The following SHANK2 variants were observed in gnomAD, a reference collection of about 807,000 sequenced individuals.
SHANK2 encodes SH3 and multiple ankyrin repeat domains 2.
Under a neutral mutation model 133.7 loss-of-function variants are expected in SHANK2, and 43 were observed. That is an observed-to-expected ratio of 0.32 (90% CI 0.25 to 0.41). SHANK2 has a LOEUF of 0.41. SHANK2 is among the 10% of genes least tolerant of loss of function. SHANK2 has a pLI of 1.00. For synonymous variants in SHANK2, 1,017 were observed against 952.8 expected, an observed-to-expected ratio of 1.07 and a Z score of -1.24; for missense variants, 1,994 against 2,235.8, an observed-to-expected ratio of 0.89 and a Z score of 2.18.
intron 11 of SHANK2, among the ~76,000 whole-genome samples, chr11:70,842,292 C>G (rs887821288): frequency 1.3e-5 from 2 of 152,182 alleles, no homozygotes; most frequent in Admixed American, 6.5e-5. Flanking sequence ...TGGAAAGAGA[C>G]AGACACTCCA....
chr11:71,107,100 G>A lies in SHANK2; in HGVS notation c.592+2841C>T, dbSNP rs369569973. ...ACTACAATCTAGCCTGGGTAACAGG[G>A]GGAGACCCTGTCTCAAAAAAAAAGA... On this transcript the variant is annotated intron_variant, in intron 6 of 25. Coordinates refer to ENST00000601538, the MANE Select transcript of SHANK2 (RefSeq NM_012309.5). Among the ~76,000 whole-genome samples, 4 of 152,248 alleles carry A rather than the reference G, an allele frequency of 2.6e-5. No individual in the cohort carries two copies. The East Asian group carries it at 7.7e-4, about 29-fold the overall frequency.
At chr11:70,647,826 C>T (rs542709849) in intron 17 of SHANK2, among the ~76,000 whole-genome samples, 3 of 152,306 alleles carry the variant, frequency 2.0e-5, no homozygotes, top group South Asian at 4.1e-4. Flanking sequence ...ACTGAACACC[C>T]GCCCATCCCA....
chr11:70,486,124 C>A lies in SHANK2; in HGVS notation c.4169G>T (p.Arg1390Leu). 6.2e-7 allele frequency: 1 copy of A among 1,613,072 alleles called. No individual in the cohort carries two copies. The highest frequency in any genetic ancestry group is 8.5e-7 in the Non-Finnish European group (1 of 1,179,162). Residue 1390 changes from arginine (R) to leucine (L), a missense_variant, in exon 25 of 26, where the codon CGC (arginine) becomes CTC (leucine). This residue lies in a region of SHANK2 where 797 missense variants were observed against 907.4 expected (regional missense o/e 0.88). Transcript: ENST00000601538. The surrounding 1 kb of genome is among the most constrained non-coding windows in gnomAD (Gnocchi z 8.0). ...SMEEAVILPF[R>L]IPPPPLASVD... ...GGATGCCAGAGGGGGAGGAGGGATG[C>A]GGAATGGCAAAATCACCGCCTCTTC...
rs782364074 is a variant in SHANK2 at position 70,500,529 on chromosome 11, T to A, written c.2308+41A>T. ...AGGATGTTTCTGTTCCACAGGGGGGTGATGGGCAGGGGGCTGAGACAGACA... is the reference window on the plus strand; with the variant it reads ...AGGATGTTTCTGTTCCACAGGGGGGAGATGGGCAGGGGGCTGAGACAGACA... On this transcript the variant is annotated intron_variant, in intron 21 of 25. Transcript: ENST00000601538. The surrounding 1 kb of genome is among the most constrained non-coding windows in gnomAD (Gnocchi z 4.5). 6.3e-7 allele frequency: 1 copy of A among 1,588,544 alleles called. No individual in the cohort carries two copies. The highest frequency in any genetic ancestry group is 1.2e-5 in the South Asian group (1 of 86,924).
At chr11:70,884,418 T>A (rs1285213696) in intron 11 of SHANK2, among the ~76,000 whole-genome samples, 1 of 152,236 alleles carries the variant, frequency 6.6e-6, no homozygotes, top group African/African-American at 2.4e-5. Flanking sequence ...CTCCCCGAAT[T>A]TTCCAGGAAT....
At chr11:71,251,571 G>A (rs1433509097) in intron 1 of SHANK2, among the ~76,000 whole-genome samples, 81 of 151,648 alleles carry the variant, frequency 5.3e-4, no homozygotes, top group African/African-American at 1.7e-3. Flanking sequence ...CCGGGGAGGA[G>A]GGATGCCCGG....
chr11:70,718,242 A>G (rs1945989777), intron 14 of SHANK2, among the ~76,000 whole-genome samples: 1 of 152,106 alleles, frequency 6.6e-6, no homozygotes, highest in African/African-American at 2.4e-5. Flanking sequence ...TTGCTTTCTC[A>G]TTTTGCAAGG....
At chr11:70,819,065 C>T (rs1243682746) in intron 12 of SHANK2, among the ~76,000 whole-genome samples, 2 of 152,288 alleles carry the variant, frequency 1.3e-5, no homozygotes, top group Admixed American at 6.5e-5. Context: ...CTCTGGACCC[C>T]GAGTGGCTTT....
intron 14 of SHANK2, among the ~76,000 whole-genome samples, chr11:70,734,101 G>A (rs1555032901): frequency 6.6e-6 from 1 of 152,120 alleles, no homozygotes; most frequent in African/African-American, 2.4e-5. Flanking sequence ...GGGGCAGGAG[G>A]CACCCCCTGA....
chr11:70,907,828 A>G (rs150334678), intron 10 of SHANK2: 187 of 449,302 alleles, frequency 4.2e-4, no homozygotes, highest in African/African-American at 3.1e-3. Flanking sequence ...TGGGTCAGAC[A>G]TGAAGGCTCA....
intron 1 of SHANK2, among the ~76,000 whole-genome samples, chr11:71,227,559 A>G (rs1424338255): frequency 6.6e-6 from 1 of 152,170 alleles, no homozygotes; most frequent in East Asian, 1.9e-4. Context: ...AGCAAAATAC[A>G]TGAAGCAAAA....
intron 11 of SHANK2, among the ~76,000 whole-genome samples, chr11:70,842,658 C>A (rs1203593589): frequency 6.6e-6 from 1 of 152,198 alleles, no homozygotes; most frequent in Non-Finnish European, 1.5e-5. Context: ...GTGGGTCCTG[C>A]TCCCTGCTGT....
chr11:70,679,522 G>T (rs1397776485), intron 15 of SHANK2, among the ~76,000 whole-genome samples: 2 of 152,232 alleles, frequency 1.3e-5, no homozygotes, highest in Non-Finnish European at 2.9e-5. Context: ...GAGGCTTCCA[G>T]CCATCAGCTG....
chr11:70,883,215 C>T (rs1949684192), intron 11 of SHANK2, among the ~76,000 whole-genome samples: 1 of 152,152 alleles, frequency 6.6e-6, no homozygotes, highest in East Asian at 1.9e-4. Flanking sequence ...GCACTGAGCC[C>T]AGGCCTGGCT....
intron 2 of SHANK2, among the ~76,000 whole-genome samples, chr11:71,211,592 G>C (rs1954283533): frequency 1.3e-5 from 2 of 148,354 alleles, no homozygotes; most frequent in South Asian, 4.3e-4. Flanking sequence ...GGGTTTTAGT[G>C]AGTTCACAGA....
chr11:71,080,960 G>C (rs955366116), intron 8 of SHANK2, among the ~76,000 whole-genome samples: 70 of 152,298 alleles, frequency 4.6e-4, no homozygotes, highest in African/African-American at 1.5e-3. Flanking sequence ...TTGGTGTTGC[G>C]GGCTGAATTG....
chr11:70,641,360 T>A (rs1565205951), intron 17 of SHANK2, among the ~76,000 whole-genome samples: 4 of 152,190 alleles, frequency 2.6e-5, no homozygotes, highest in Admixed American at 6.5e-5. Flanking sequence ...CCCAAAGTGC[T>A]GGGATTACAG....
chr11:71,251,397 C>G (rs1948176222), intron 1 of SHANK2, among the ~76,000 whole-genome samples: 1 of 152,146 alleles, frequency 6.6e-6, no homozygotes, highest in African/African-American at 2.4e-5. Context: ...CGGCGAGGCC[C>G]GCTGCGGTGG....
chr11:71,142,527 A>G (rs11826649), intron 3 of SHANK2, among the ~76,000 whole-genome samples: 6,351 of 152,234 alleles, frequency 0.042, 237 homozygotes, highest in African/African-American at 0.1. Flanking sequence ...CAAACAAAAA[A>G]AAATGGCAAA....
Sources: allele counts gnomAD v4.1 joint callset (sites outside exome capture counted in the v4.1 genomes callset), GRCh38; gene constraint gnomAD v4.1.1; regional missense constraint gnomAD v4.1.1; non-coding constraint Gnocchi (gnomAD v3.1); transcripts MANE v1.5; gene names NCBI Gene and HGNC (gene_info 2026-07-23, HGNC 2026-07-21).